MAP7: variants seen among roughly 807,000 people sequenced by gnomAD.
MAP7 encodes the protein ensconsin.
A neutral mutation model predicts 94.8 loss-of-function variants in MAP7; 52 were observed. The ratio of observed to expected loss-of-function variants is 0.55; its 90% CI spans 0.44 to 0.69. The LOEUF is 0.69. Ranked by LOEUF, MAP7 falls within the 30% of genes least tolerant of loss-of-function variation. MAP7 has a pLI of 0.00. For synonymous variants in MAP7, 350 were observed against 357.0 expected (o/e 0.98, Z 0.22); for missense variants, 940 against 964.6 (o/e 0.97, Z 0.34).
chr6:136,416,482 A>G (rs1440180445), intron 2 of MAP7, among the ~76,000 whole-genome samples: 1 of 152,196 alleles, frequency 6.6e-6, no homozygotes, highest in African/African-American at 2.4e-5. Flanking sequence ...CCCCTGAAAC[A>G]AAAGTTAGCT....
chr6:136,432,909 T>C (rs1268325653), intron 1 of MAP7, among the ~76,000 whole-genome samples: 1 of 152,178 alleles, frequency 6.6e-6, no homozygotes, highest in Non-Finnish European at 1.5e-5. Context: ...GAAGTGTTTT[T>C]ATTTATTTAT....
Position 136,360,701 on chromosome 6 carries a change from T to C in MAP7, c.1799A>G (p.Lys600Arg), listed in dbSNP as rs1183775424. 13 of 1,613,968 alleles carry C rather than the reference T, an allele frequency of 8.1e-6. No individual in the cohort carries two copies. Among genetic ancestry groups the C allele is most frequent in the Non-Finnish European group, 1.0e-5 (12 of 1,179,978 alleles). ...QREEQERLER[K>R]KRLEEIMKRT... ...TCTCTACTAAGACGCAGCTACCTTC[T>C]TTCTCTCCAGGCGCTCTTGCTCTTC... The change falls in exon 13 of 18, where the codon AAG (lysine) becomes AGG (arginine). Residue 600 changes from lysine (K) to arginine (R), a missense_variant. Physicochemically the swap from Lys to Arg is conservative, Grantham distance 26. Coordinates refer to ENST00000354570, the MANE Select transcript of MAP7 (RefSeq NM_003980.6).
At chr6:136,465,523 A>T (rs991215826) in intron 1 of MAP7, among the ~76,000 whole-genome samples, 1 of 152,228 alleles carries the variant, frequency 6.6e-6, no homozygotes, top group Non-Finnish European at 1.5e-5. Flanking sequence ...GGCAAAAAAA[A>T]TGGAAAGTCA....
intron 1 of MAP7, among the ~76,000 whole-genome samples, chr6:136,447,767 T>G (rs1799782859): frequency 6.6e-6 from 1 of 152,222 alleles, no homozygotes; most frequent in Non-Finnish European, 1.5e-5. Flanking sequence ...CCTAAAACTT[T>G]TCTTAAGCAA....
intron 3 of MAP7, among the ~76,000 whole-genome samples, chr6:136,391,832 A>T (rs1288576483): frequency 6.6e-6 from 1 of 152,228 alleles, no homozygotes; most frequent in Non-Finnish European, 1.5e-5. Flanking sequence ...ACTCGTGCAC[A>T]TAATATCTTT....
At chr6:136,424,848 T>C (rs893571087) in intron 1 of MAP7, among the ~76,000 whole-genome samples, 2 of 152,212 alleles carry the variant, frequency 1.3e-5, no homozygotes, top group Non-Finnish European at 2.9e-5. Flanking sequence ...CTGAATAATA[T>C]GGGGACTTGA....
chr6:136,404,287 CT>C (rs1284832300), intron 3 of MAP7, among the ~76,000 whole-genome samples: 2 of 151,572 alleles, frequency 1.3e-5, no homozygotes, highest in Non-Finnish European at 2.9e-5. Flanking sequence ...CTTATTAGTA[CT>C]GCCGTCACTC....
chr6:136,483,129 CA>C (rs57320038), intron 1 of MAP7, among the ~76,000 whole-genome samples: 9,033 of 83,114 alleles, frequency 0.11, 205 homozygotes, highest in South Asian at 0.2. Context: ...AAGTATCTTT[CA>C]AAAAAAAAAA....
chr6:136,549,826 G>A (rs1829997383), intron 1 of MAP7, among the ~76,000 whole-genome samples: 1 of 152,162 alleles, frequency 6.6e-6, no homozygotes, highest in Admixed American at 6.5e-5. Flanking sequence ...TTGGGGGGCG[G>A]GCCGCTCACC....
intron 1 of MAP7, among the ~76,000 whole-genome samples, chr6:136,481,436 T>C (rs1812815720): frequency 6.6e-6 from 1 of 152,046 alleles, no homozygotes; most frequent in African/African-American, 2.4e-5. Context: ...GACTCAGCCA[T>C]AAAAAAGAAT....
chr6:136,414,963 C>T (rs765170580), intron 2 of MAP7, among the ~76,000 whole-genome samples: 20 of 151,998 alleles, frequency 1.3e-4, no homozygotes, highest in Admixed American at 8.5e-4. Context: ...GACAGGCATG[C>T]GCCACCAGGC....
intron 1 of MAP7, among the ~76,000 whole-genome samples, chr6:136,449,028 G>T (rs994644032): frequency 1.4e-4 from 18 of 132,930 alleles, no homozygotes; most frequent in African/African-American, 4.4e-4. Flanking sequence ...AAAGAAGCAA[G>T]CCAGGCACAG....
chr6:136,390,053 G>A (rs564499870), intron 3 of MAP7, among the ~76,000 whole-genome samples: 2 of 152,314 alleles, frequency 1.3e-5, no homozygotes, highest in South Asian at 4.1e-4. Context: ...CCTTGTGTCT[G>A]AGGAGCTCAC....
In MAP7 at chr6:136,388,470, C is replaced by T. The variant is rs746625395; in HGVS notation, c.449G>A (p.Ser150Asn). 9.9e-6 allele frequency: 16 copies of T among 1,614,152 alleles called. No homozygotes were observed. The Middle Eastern group carries it at 1.8e-3, about 183-fold the overall frequency. Reference sequence around the variant, plus strand: ...GTTATGCTTCTGTTTTGGCTTCTGGCTCCTTTCCATTGTGCGCCGTACAAC... The same window carrying T: ...GTTATGCTTCTGTTTTGGCTTCTGGTTCCTTTCCATTGTGCGCCGTACAAC... ...EAVVRRTMERSQKPKQKHNRW... is the reference protein window; with the variant it reads ...EAVVRRTMERNQKPKQKHNRW... The change falls in exon 5 of 18, where the codon AGC becomes AAC. Residue 150 changes from serine to asparagine, a missense_variant. Ser to Asn is a conservative substitution (Grantham distance 46, BLOSUM62 1). Transcript: ENST00000354570.
intron 2 of MAP7, 49 bp from the exon 3 acceptor site, chr6:136,411,746 AAAAAG>A: frequency 2.3e-5 from 32 of 1,390,534 alleles, no homozygotes; most frequent in Non-Finnish European, 3.0e-5. Flanking sequence ...GATTAAAAAA[AAAAAG>A]AAAAAGAAAA....
At chr6:136,456,822 G>GAAGAAGAAGGAA (rs1554259490) in intron 1 of MAP7, among the ~76,000 whole-genome samples, 81 of 68,936 alleles carry the variant, frequency 1.2e-3, no homozygotes, top group South Asian at 4.7e-3. Flanking sequence ...AGAAGAAGAA[G>GAAGAAGAAGGAA]GAAGAAGAAG....
At chr6:136,346,126 T>C (rs763588989) in intron 16 of MAP7, 47 bp from the exon 17 acceptor site, 205 of 1,193,044 alleles carry the variant, frequency 1.7e-4, no homozygotes, top group Non-Finnish European at 2.2e-4. Context: ...GTCTTAAAAC[T>C]GGAAAACACA....
At chr6:136,527,364 T>C (rs1339864817) in intron 1 of MAP7, among the ~76,000 whole-genome samples, 1 of 152,216 alleles carries the variant, frequency 6.6e-6, no homozygotes, top group African/African-American at 2.4e-5. Flanking sequence ...TGTGTTTTAA[T>C]AAAAATCAAG....
At chr6:136,439,215 AG>A (rs1797180777) in intron 1 of MAP7, among the ~76,000 whole-genome samples, 2 of 152,172 alleles carry the variant, frequency 1.3e-5, no homozygotes, top group African/African-American at 4.8e-5. Flanking sequence ...CAGGTGATTA[AG>A]TCATGAGGCT....
Sources: allele counts gnomAD v4.1 joint callset (sites outside exome capture counted in the v4.1 genomes callset), GRCh38; gene constraint gnomAD v4.1.1; transcripts MANE v1.5; gene names NCBI Gene and HGNC (gene_info 2026-07-23, HGNC 2026-07-21).